DCC: variants seen among roughly 807,000 people sequenced by gnomAD.
DCC encodes the protein DCC netrin 1 receptor.
A neutral mutation model predicts 172.5 loss-of-function variants in DCC; 58 were observed. The observed-to-expected ratio is 0.34, with a 90% CI of 0.27 to 0.42. DCC has a LOEUF of 0.42. Ranked by LOEUF, DCC falls within the 10% of genes least tolerant of loss-of-function variation. DCC has a pLI of 1.00. For synonymous variants in DCC, 709 were observed against 644.5 expected (o/e 1.10, Z -1.52); for missense variants, 1,740 against 1,791.0 (o/e 0.97, Z 0.51).
At chr18:52,597,243 C>A (rs2033927210) in intron 1 of DCC, among the ~76,000 whole-genome samples, 1 of 152,174 alleles carries the variant, frequency 6.6e-6, no homozygotes, top group Admixed American at 6.5e-5. Context: ...TTTGCCAAAC[C>A]TGTCAGAACT....
intron 1 of DCC, among the ~76,000 whole-genome samples, chr18:52,436,756 A>G (rs1987809021): frequency 6.6e-6 from 1 of 152,014 alleles, no homozygotes; most frequent in Non-Finnish European, 1.5e-5. Flanking sequence ...AAAACTACAA[A>G]CAAACAAACA....
At position 53,094,522 on chromosome 18, in the gene DCC, C is replaced by T. The variant is rs922210226; in HGVS notation, c.1261+28356C>T. ...ACGAGGTTGTCAAAAGTCTCAGAAT[C>T]CCTGTGGAATTCTTAAATTTGGACT... On this transcript the variant is annotated intron_variant, in intron 7 of 28. Coordinates refer to ENST00000442544, the MANE Select transcript of DCC (RefSeq NM_005215.4). Among the ~76,000 whole-genome samples, 9 of 152,288 alleles carry T rather than the reference C, an allele frequency of 5.9e-5. No individual in the cohort carries two copies. In the East Asian group the frequency reaches 1.5e-3, roughly 26 times the overall value.
chr18:52,883,348 T>TTATG (rs55682766), intron 2 of DCC, among the ~76,000 whole-genome samples: 1 of 106,228 alleles, frequency 9.4e-6, no homozygotes, highest in African/African-American at 3.5e-5. Flanking sequence ...ATTTATTTAT[T>TTATG]TATGTGTGTG....
At chr18:52,881,107 T>A (rs1253284347) in intron 2 of DCC, among the ~76,000 whole-genome samples, 1 of 152,136 alleles carries the variant, frequency 6.6e-6, no homozygotes, top group Non-Finnish European at 1.5e-5. Context: ...TTTCTGATGA[T>A]CGATGATGTT....
At chr18:52,359,845 G>T (rs1042920765) in intron 1 of DCC, among the ~76,000 whole-genome samples, 4 of 152,170 alleles carry the variant, frequency 2.6e-5, no homozygotes, top group Admixed American at 2.6e-4. Flanking sequence ...CAGTTAAACA[G>T]TGAGAGAGGA....
At chr18:52,579,208 C>T (rs989853668) in intron 1 of DCC, among the ~76,000 whole-genome samples, 8 of 152,080 alleles carry the variant, frequency 5.3e-5, no homozygotes, top group African/African-American at 1.4e-4. Context: ...GAAATGTTCT[C>T]GTTTGCTGCC....
intron 1 of DCC, among the ~76,000 whole-genome samples, chr18:52,396,281 A>ACCCCC (rs34363129): frequency 8.7e-6 from 1 of 114,306 alleles, no homozygotes; most frequent in African/African-American, 3.4e-5. Context: ...CCTGCACCAC[A>ACCCCC]CCCCCCCCCC....
chr18:53,449,554 T>TA (rs1244103559), intron 22 of DCC, among the ~76,000 whole-genome samples: 1 of 152,184 alleles, frequency 6.6e-6, no homozygotes, highest in Admixed American at 6.5e-5. Flanking sequence ...GATGGCATCT[T>TA]CAAAGGAATG....
intron 9 of DCC, 121 bp downstream of exon 9, chr18:53,179,237 A>G (rs574883116): frequency 1.0e-6 from 1 of 970,018 alleles, no homozygotes; most frequent in African/African-American, 1.6e-5. Context: ...TTTTTCTTCT[A>G]AGTAAACTTA....
intron 1 of DCC, among the ~76,000 whole-genome samples, chr18:52,483,248 G>C (rs901474583): frequency 6.6e-6 from 1 of 152,050 alleles, no homozygotes; most frequent in African/African-American, 2.4e-5. Flanking sequence ...CATATGCAAT[G>C]ACTGTTTTCC....
chr18:52,414,358 A>G (rs752159120), intron 1 of DCC, among the ~76,000 whole-genome samples: 28 of 152,204 alleles, frequency 1.8e-4, no homozygotes, highest in Non-Finnish European at 3.5e-4. Flanking sequence ...TGCTGGGATT[A>G]CAGGCATGAG....
At chr18:52,359,783 A>T (rs1984537923) in intron 1 of DCC, among the ~76,000 whole-genome samples, 1 of 152,240 alleles carries the variant, frequency 6.6e-6, no homozygotes, top group South Asian at 2.1e-4. Flanking sequence ...TTTCTGTCAC[A>T]GGCAATACTC....
chr18:52,438,064 G>A (rs919801694), intron 1 of DCC, among the ~76,000 whole-genome samples: 1 of 152,148 alleles, frequency 6.6e-6, no homozygotes, highest in Non-Finnish European at 1.5e-5. Flanking sequence ...TAGATTCACT[G>A]ATTAGATGCC....
At chr18:53,216,313 G>A (rs1465837561) in intron 12 of DCC, among the ~76,000 whole-genome samples, 4 of 152,256 alleles carry the variant, frequency 2.6e-5, no homozygotes, top group East Asian at 1.9e-4. Flanking sequence ...TCACCACCTG[G>A]CCACTATGCT....
At chr18:52,482,772 G>A (rs1005812658) in intron 1 of DCC, among the ~76,000 whole-genome samples, 1 of 151,998 alleles carries the variant, frequency 6.6e-6, no homozygotes, top group African/African-American at 2.4e-5. Flanking sequence ...ATCTTCCAGA[G>A]CCAATTCTTA....
chr18:52,555,581 G>T (rs1354123147), intron 1 of DCC, among the ~76,000 whole-genome samples: 2 of 152,070 alleles, frequency 1.3e-5, no homozygotes, highest in East Asian at 1.9e-4. Flanking sequence ...GTGGCAAAAA[G>T]AATATAGTGA....
At chr18:53,240,579 C>T (rs2056278065) in intron 12 of DCC, among the ~76,000 whole-genome samples, 1 of 151,960 alleles carries the variant, frequency 6.6e-6, no homozygotes, top group Non-Finnish European at 1.5e-5. Flanking sequence ...ATATTAAGTC[C>T]CTCTTTTCAT....
At chr18:52,642,075 T>TACAC (rs2034915064) in intron 1 of DCC, among the ~76,000 whole-genome samples, 4 of 34,900 alleles carry the variant, frequency 1.1e-4, no homozygotes, top group African/African-American at 1.8e-4. Context: ...TATATATATA[T>TACAC]ATATACACAC....
At chr18:53,131,484 T>C (rs1401635993) in intron 7 of DCC, among the ~76,000 whole-genome samples, 1 of 152,064 alleles carries the variant, frequency 6.6e-6, no homozygotes, top group African/African-American at 2.4e-5. Flanking sequence ...ACCTGACAAA[T>C]TATTGATGTT....
Sources: gnomAD v4.1 joint callset for allele counts (sites outside exome capture counted in the v4.1 genomes callset) on GRCh38, gnomAD v4.1.1 for gene constraint, MANE v1.5 for transcripts, NCBI Gene and HGNC (gene_info 2026-07-23, HGNC 2026-07-21) for gene names.